The following DDX60L variants were observed in gnomAD, a reference collection of about 807,000 sequenced individuals.
DDX60L encodes the protein probable ATP-dependent RNA helicase DDX60-like.
In DDX60L, 191 loss-of-function variants were observed where a neutral mutation model predicts 211.6. The observed-to-expected ratio is 0.90, with a 90% CI of 0.80 to 1.02. The LOEUF (loss-of-function observed/expected upper bound fraction) is 1.02. Ranked by LOEUF, DDX60L falls within the 50% of genes least tolerant of loss-of-function variation. DDX60L has a pLI of 0.00. For synonymous variants in DDX60L, 706 were observed against 694.1 expected (o/e 1.02, Z -0.27); for missense variants, 2,007 against 1,984.1 (o/e 1.01, Z -0.22).
intron 37 of DDX60L, among the ~76,000 whole-genome samples, chr4:168,358,503 CT>C (rs1347467652): frequency 6.9e-6 from 1 of 145,132 alleles, no homozygotes; most frequent in Admixed American, 7.1e-5. Flanking sequence ...CACAGTTCTT[CT>C]TTTTTTCTTT....
At chr4:168,384,326 A>G (rs1316781442) in intron 30 of DDX60L, among the ~76,000 whole-genome samples, 1 of 152,114 alleles carries the variant, frequency 6.6e-6, no homozygotes, top group Non-Finnish European at 1.5e-5. Context: ...ACACAAAAAA[A>G]TAAAATAAAA....
In DDX60L at chr4:168,358,217, TG is replaced by T. The variant is rs1738455438; in HGVS notation, c.5050del (p.Gln1684AsnfsTer2). 6 of 1,606,438 alleles carry T rather than the reference TG, an allele frequency of 3.7e-6. No individual in the cohort carries two copies. Among genetic ancestry groups the T allele is most frequent in the Non-Finnish European group, 5.1e-6 (6 of 1,175,384 alleles). On this transcript the variant is annotated frameshift_variant, in exon 38 of 38. Transcript: ENST00000682922. LOFTEE classifies it low-confidence loss of function (END_TRUNC). ...KRDNVVLAFKQLSQTFYEKLQ... is the reference protein window; with the variant it reads ...KRDNVVLAFKXLSQTFYEKLQ... Reference sequence around the variant, plus strand: ...TTTCTCATAAAAGGTTTGACTCAATTGTTTAAATGCCAGGACTACATTGTCA... The same window carrying T: ...TTTCTCATAAAAGGTTTGACTCAATTTTTAAATGCCAGGACTACATTGTCA...
chr4:168,478,201 A>G (rs77341784), intron 1 of DDX60L, among the ~76,000 whole-genome samples: 2 of 149,976 alleles, frequency 1.3e-5, no homozygotes, highest in African/African-American at 2.4e-5. Flanking sequence ...AAAAAAAAAG[A>G]AAAAAAACAC....
intron 34 of DDX60L, among the ~76,000 whole-genome samples, chr4:168,374,016 CT>C (rs1741497186): frequency 6.6e-6 from 1 of 152,078 alleles, no homozygotes; most frequent in Admixed American, 6.6e-5. Context: ...TATCATTACT[CT>C]TTTTTATTAC....
intron 36 of DDX60L, among the ~76,000 whole-genome samples, chr4:168,369,373 A>G (rs1460191757): frequency 1.3e-5 from 2 of 152,014 alleles, no homozygotes; most frequent in African/African-American, 4.8e-5. Context: ...CATGATTGTG[A>G]GGTTGCGGAA....
rs754555435 is a variant in DDX60L, at chr4:168,453,161, C to T, written c.959G>A (p.Cys320Tyr). 2.5e-6 allele frequency: 4 copies of T among 1,612,606 alleles called. No individual in the cohort carries two copies. The highest frequency in any genetic ancestry group is 1.7e-5 in the Admixed American group (1 of 59,790). ...SQRACSRVIT[C>Y]SWIRNSDSFL... Reference sequence around the variant, plus strand: ...AGAATCACTGTTCCTAATCCAAGAGCATGTGATGACTCGAGAACAAGCTCT... The same window carrying T: ...AGAATCACTGTTCCTAATCCAAGAGTATGTGATGACTCGAGAACAAGCTCT... Residue 320 changes from cysteine (C) to tyrosine (Y), a missense_variant, in exon 8 of 38, where the codon TGC becomes TAC. By Grantham distance (194) the Cys-to-Tyr change is radical. Coordinates refer to ENST00000682922, the MANE Select transcript of DDX60L (RefSeq NM_001012967.3).
chr4:168,430,478 C>A lies in DDX60L; in HGVS notation c.1677G>T (p.Gln559His). ...DSSGASGEIL[Q>H]NTKPHQITKK... ...ATTAGGTAAAATCTTTGCGATCTAC[C>A]TGTAATATTTCACCACTGGCACCAC... The change falls in exon 13 of 38, where the codon CAG becomes CAT. Residue 559 changes from glutamine (Q) to histidine (H), a missense_variant and splice_region_variant. By Grantham distance (24) the Gln-to-His change is conservative. Transcript: ENST00000682922. The A allele has an allele frequency of 6.3e-7, 1 of 1,582,826 alleles. No individual in the cohort carries two copies. The highest frequency in any genetic ancestry group is 1.2e-5 in the South Asian group (1 of 84,356).
intron 9 of DDX60L, among the ~76,000 whole-genome samples, chr4:168,446,350 A>T (rs945368839): frequency 1.3e-5 from 2 of 152,202 alleles, no homozygotes; most frequent in African/African-American, 4.8e-5. Flanking sequence ...TTCAAGGAGA[A>T]CTACAAACCA....
rs773129584 is a variant in DDX60L at position 168,420,304 on chromosome 4, C to T, written c.2471G>A (p.Gly824Asp). ...KTLPAGRTLC[G>D]AFTRDYCHNV... ...GTGACAATAATCTCTTGTAAAAGCA[C>T]CGCATAGAGTTCTGCCGGCAGGCAA... The change falls in exon 18 of 38, where the codon GGT (glycine) becomes GAT (aspartate). Residue 824 changes from glycine to aspartate, a missense_variant. Physicochemically the swap from Gly to Asp is moderately conservative, Grantham distance 94. Coordinates refer to ENST00000682922, the MANE Select transcript of DDX60L (RefSeq NM_001012967.3). 11 of 1,609,120 alleles carry T rather than the reference C, an allele frequency of 6.8e-6. No homozygotes were observed. The South Asian group carries it at 1.1e-4, about 16-fold the overall frequency.
chr4:168,463,196 A>T (rs1282054473), intron 4 of DDX60L, among the ~76,000 whole-genome samples: 1 of 152,240 alleles, frequency 6.6e-6, no homozygotes, highest in African/African-American at 2.4e-5. Context: ...TGTTCACCGC[A>T]GCACTATTCA....
At chr4:168,395,808 AT>A (rs1396712333) in intron 27 of DDX60L, 150 bp downstream of exon 27, 1 of 607,848 alleles carries the variant, frequency 1.6e-6, no homozygotes, top group African/African-American at 1.9e-5. Flanking sequence ...TTAAATTGGG[AT>A]AATCATTGCA....
Position 168,370,502 on chromosome 4 carries a change from T to C in DDX60L, c.4928+1110A>G, listed in dbSNP as rs192969934. ...ACAGTAAGTAGATAGGAGGAATAAGTTCTAGTGTTTTATTGCACAGTAAGG... is the reference window on the plus strand; with the variant it reads ...ACAGTAAGTAGATAGGAGGAATAAGCTCTAGTGTTTTATTGCACAGTAAGG... On this transcript the variant is annotated intron_variant, in intron 36 of 37. Coordinates refer to ENST00000682922, the MANE Select transcript of DDX60L (RefSeq NM_001012967.3). Among the ~76,000 whole-genome samples the C allele has an allele frequency of 4.6e-5, 7 of 152,200 alleles. No homozygotes were observed. The East Asian group carries it at 1.2e-3, about 25-fold the overall frequency.
intron 1 of DDX60L, among the ~76,000 whole-genome samples, chr4:168,474,785 G>A (rs1242865429): frequency 6.6e-6 from 1 of 152,164 alleles, no homozygotes; most frequent in Non-Finnish European, 1.5e-5. Context: ...GGTAATCCTG[G>A]AGGAAATAAC....
intron 7 of DDX60L, among the ~76,000 whole-genome samples, chr4:168,454,773 T>TTTTTTTTTTTTTTTTTTTTTG: frequency 6.8e-6 from 1 of 146,348 alleles, no homozygotes; most frequent in Non-Finnish European, 1.5e-5. Flanking sequence ...TTTTTTTTTT[T>TTTTTTTTTTTTTTTTTTTTTG]TTTTTTAGCA....
In DDX60L at chr4:168,456,111, T is replaced by G; in HGVS notation, c.765A>C (p.Glu255Asp). 1 of 1,596,106 alleles carries G rather than the reference T, an allele frequency of 6.3e-7. No individual in the cohort carries two copies. The highest frequency in any genetic ancestry group is 2.3e-5 in the East Asian group (1 of 43,572). Residue 255 changes from glutamate (E) to aspartate (D), a missense_variant, in exon 7 of 38, where the codon GAA (glutamate) becomes GAC (aspartate). Coordinates refer to ENST00000682922, the MANE Select transcript of DDX60L (RefSeq NM_001012967.3). The stretch of plus-strand genomic sequence containing the variant: ...AGAGAACACGCTGGATGTCCGATCC[T>G]TCTGACCATAGGTGCTGAAGCAGAA... ...TLFLLQHLWSEGSDIQRVLCV... is the reference protein window; with the variant it reads ...TLFLLQHLWSDGSDIQRVLCV...
At chr4:168,408,649 A>C (rs1561007945) in intron 22 of DDX60L, among the ~76,000 whole-genome samples, 1 of 152,196 alleles carries the variant, frequency 6.6e-6, no homozygotes, top group African/African-American at 2.4e-5. Context: ...ATAAGTAAAA[A>C]AGTTACATAC....
chr4:168,458,229 A>G (rs1756855310), intron 5 of DDX60L, among the ~76,000 whole-genome samples: 1 of 152,172 alleles, frequency 6.6e-6, no homozygotes, highest in Non-Finnish European at 1.5e-5. Flanking sequence ...TTCAACCATT[A>G]TGGAAGACAG....
chr4:168,374,330 C>T (rs1436625669), intron 34 of DDX60L, among the ~76,000 whole-genome samples: 2 of 152,152 alleles, frequency 1.3e-5, no homozygotes, highest in African/African-American at 2.4e-5. Flanking sequence ...TGAGTAGCTA[C>T]AATGCTTACC....
rs993977590 is a variant in DDX60L, at chr4:168,432,588, T to C, written c.1401-18A>G. 8 of 1,429,162 alleles carry C rather than the reference T, an allele frequency of 5.6e-6. No homozygotes were observed. Among genetic ancestry groups the C allele is most frequent in the Admixed American group, 2.4e-5 (1 of 42,552 alleles). The allele number at this position is 1,429,162 out of a possible 1,614,324, so 88.5% of individuals were successfully genotyped here. ...GATCATCACTGTAAAAATAAATACATAATTTTTTTAAATTTTAAGCTTTTC... is the reference window on the plus strand; with the variant it reads ...GATCATCACTGTAAAAATAAATACACAATTTTTTTAAATTTTAAGCTTTTC... On this transcript the variant is annotated intron_variant, in intron 11 of 37. Transcript: ENST00000682922.
Sources: allele counts gnomAD v4.1 joint callset (sites outside exome capture counted in the v4.1 genomes callset), GRCh38; gene constraint gnomAD v4.1.1; transcripts MANE v1.5; gene names NCBI Gene and HGNC (gene_info 2026-07-23, HGNC 2026-07-21).